Variants in PLD1 observed in about 807,000 individuals in gnomAD.
PLD1 encodes choline phosphatase 1.
PLD1 carries 112 observed loss-of-function variants against 137.1 expected under a neutral mutation model. That is an observed-to-expected ratio of 0.82 (90% CI 0.70 to 0.96). PLD1 has a LOEUF of 0.96. Among genes scored for constraint, PLD1 ranks in the 40% least tolerant of loss-of-function variants. The probability of loss-of-function intolerance (pLI) is 0.00; values close to 1 mark genes in which losing one functional copy is unlikely to be tolerated. For missense variants in PLD1, 1,321 were observed against 1,342.0 expected (o/e 0.98, Z 0.24); for synonymous variants, 431 against 454.7 (o/e 0.95, Z 0.66).
At chr3:171,622,564 A>G (rs1375045118) in intron 23 of PLD1, among the ~76,000 whole-genome samples, 1 of 152,188 alleles carries the variant, frequency 6.6e-6, no homozygotes, top group Admixed American at 6.5e-5. Context: ...GACACAATTC[A>G]GTATCCACTC....
At chr3:171,605,546 C>A (rs539617715) in intron 25 of PLD1, 130 bp from the exon 26 acceptor site, 4 of 651,220 alleles carry the variant, frequency 6.1e-6, no homozygotes, top group African/African-American at 5.5e-5. Flanking sequence ...CATGACCTAG[C>A]TACTCTCATA....
At chr3:171,727,198 C>T (rs776877739) in intron 6 of PLD1, among the ~76,000 whole-genome samples, 13 of 152,096 alleles carry the variant, frequency 8.5e-5, no homozygotes, top group Admixed American at 1.3e-4. Flanking sequence ...ATTTGGTCCA[C>T]GGGCCCTAGT....
chr3:171,646,583 A>C (rs1736235757), intron 21 of PLD1, among the ~76,000 whole-genome samples: 1 of 151,978 alleles, frequency 6.6e-6, no homozygotes, highest in African/African-American at 2.4e-5. Flanking sequence ...GAAAGAAGAC[A>C]TTAAAAAATG....
At chr3:171,663,959 C>T (rs563824713) in intron 19 of PLD1, among the ~76,000 whole-genome samples, 1 of 152,146 alleles carries the variant, frequency 6.6e-6, no homozygotes, top group African/African-American at 2.4e-5. Context: ...AAAATTGCAA[C>T]TATACGGCCA....
Position 171,635,965 on chromosome 3 carries a change from C to CTTTTTTTTTTTTTTTTTTTTTTT in PLD1, c.2593+6852_2593+6874dup, listed in dbSNP as rs71178231. Among the ~76,000 whole-genome samples the CTTTTTTTTTTTTTTTTTTTTTTT allele has an allele frequency of 9.5e-4, 47 of 49,276 alleles. 3 individuals are homozygous for CTTTTTTTTTTTTTTTTTTTTTTT. Among genetic ancestry groups the CTTTTTTTTTTTTTTTTTTTTTTT allele is most frequent in the South Asian group, 1.2e-3 (1 of 814 alleles). The allele number at this position is 49,276 out of a possible 152,430, so 32.3% of individuals were successfully genotyped here. A position where few individuals can be genotyped will look rare whatever the true frequency, so the allele number is the denominator to read the frequency against. Reference sequence around the variant, plus strand: ...ATGGTATGAGGTAGGGGTTCAACTTCTTTTTTTTTTTTTTTTTTTTTTTTT... The same window carrying CTTTTTTTTTTTTTTTTTTTTTTT: ...ATGGTATGAGGTAGGGGTTCAACTTCTTTTTTTTTTTTTTTTTTTTTTTTTTTTTTTTTTTTTTTTTTTTTTTT... On this transcript the variant is annotated intron_variant, in intron 23 of 26. Transcript: ENST00000351298.
At chr3:171,799,010 T>A (rs550781264) in intron 1 of PLD1, among the ~76,000 whole-genome samples, 168 of 152,280 alleles carry the variant, frequency 1.1e-3, no homozygotes, top group Non-Finnish European at 2.0e-3. Context: ...TTATCTGGTC[T>A]CTGAGCATAA....
intron 1 of PLD1, among the ~76,000 whole-genome samples, chr3:171,765,878 T>C (rs11715665): frequency 0.48 from 73,096 of 151,976 alleles, 17,984 homozygotes; most frequent in African/African-American, 0.58. Context: ...CCTGGACTGA[T>C]GTTTCAGGTA....
intron 25 of PLD1, among the ~76,000 whole-genome samples, chr3:171,606,185 G>A (rs1732188028): frequency 6.6e-6 from 1 of 152,188 alleles, no homozygotes. Flanking sequence ...GTGTCAAAAA[G>A]TGAGGCATCA....
At chr3:171,755,070 A>G (rs1720923760) in intron 1 of PLD1, among the ~76,000 whole-genome samples, 1 of 152,090 alleles carries the variant, frequency 6.6e-6, no homozygotes, top group East Asian at 1.9e-4. Flanking sequence ...CTTCTTTTGC[A>G]GTCATCTGGA....
chr3:171,665,806 GGTTTC>G (rs1712074793), intron 19 of PLD1, among the ~76,000 whole-genome samples: 2 of 152,078 alleles, frequency 1.3e-5, no homozygotes, highest in Non-Finnish European at 2.9e-5. Flanking sequence ...AAGTATGAGG[GGTTTC>G]CTACCTCCTG....
intron 20 of PLD1, among the ~76,000 whole-genome samples, chr3:171,659,798 T>C (rs372124017): frequency 6.6e-6 from 1 of 152,218 alleles, no homozygotes; most frequent in Non-Finnish European, 1.5e-5. Flanking sequence ...TTTCACCTTG[T>C]CTTGTTTGTC....
intron 23 of PLD1, among the ~76,000 whole-genome samples, chr3:171,623,925 A>C (rs901308968): frequency 6.6e-6 from 1 of 151,866 alleles, no homozygotes; most frequent in East Asian, 1.9e-4. Flanking sequence ...AAACCAGACA[A>C]GTGTTAGAAG....
intron 23 of PLD1, among the ~76,000 whole-genome samples, chr3:171,625,935 A>C (rs1430025734): frequency 6.6e-6 from 1 of 152,238 alleles, no homozygotes; most frequent in Non-Finnish European, 1.5e-5. Flanking sequence ...AACTCTAAAA[A>C]GCAGAGCGCC....
intron 12 of PLD1, among the ~76,000 whole-genome samples, chr3:171,697,345 C>T (rs895417504): frequency 2.0e-5 from 3 of 149,188 alleles, no homozygotes; most frequent in East Asian, 2.0e-4. Context: ...CCCGGGTTCA[C>T]GCCATTCTCC....
rs559756772 is a variant in PLD1 at position 171,697,286 on chromosome 3, C to T, written c.1227+2459G>A. Among the ~76,000 whole-genome samples the T allele has an allele frequency of 8.8e-5, 12 of 136,162 alleles. No individual in the cohort carries two copies. In the South Asian group the frequency reaches 2.1e-3, roughly 23 times the overall value. 89.3% of individuals were successfully genotyped at this position (136,162 alleles called of 152,430 possible). ...TTGAAACAGAGTCTTGCTCTGTTGC[C>T]CAGGCTGGAGTGCAGTGGCACAATC... On this transcript the variant is annotated intron_variant, in intron 12 of 26. Transcript: ENST00000351298.
chr3:171,625,568 CT>C (rs1383020452), intron 23 of PLD1, among the ~76,000 whole-genome samples: 1 of 152,236 alleles, frequency 6.6e-6, no homozygotes, highest in African/African-American at 2.4e-5. Context: ...TCCCTGACCC[CT>C]GATCCCTGAG....
chr3:171,734,199 A>G (rs1719164652), intron 5 of PLD1, among the ~76,000 whole-genome samples: 1 of 152,278 alleles, frequency 6.6e-6, no homozygotes, highest in Non-Finnish European at 1.5e-5. Context: ...AGATGCCTAC[A>G]AAGATTTTAA....
intron 19 of PLD1, among the ~76,000 whole-genome samples, chr3:171,671,928 T>C (rs1249473138): frequency 6.6e-6 from 1 of 151,384 alleles, no homozygotes; most frequent in Non-Finnish European, 1.5e-5. Context: ...CAAAGTTCAC[T>C]AGCACTTCTA....
intron 9 of PLD1, among the ~76,000 whole-genome samples, chr3:171,710,230 T>A (rs972613436): frequency 6.6e-6 from 1 of 151,850 alleles, no homozygotes; most frequent in African/African-American, 2.4e-5. Flanking sequence ...CCGGCTAATT[T>A]TTTTGTATTT....
Sources: allele counts gnomAD v4.1 joint callset (sites outside exome capture counted in the v4.1 genomes callset), GRCh38; gene constraint gnomAD v4.1.1; transcripts MANE v1.5; gene names NCBI Gene and HGNC (gene_info 2026-07-23, HGNC 2026-07-21).